Variants in ACOT7 observed in about 807,000 individuals in gnomAD.
ACOT7 encodes cytosolic acyl coenzyme A thioester hydrolase.
A neutral mutation model predicts 40.2 loss-of-function variants in ACOT7; 12 were observed. The ratio of observed to expected loss-of-function variants is 0.30; its 90% CI spans 0.19 to 0.48. The LOEUF (loss-of-function observed/expected upper bound fraction) is 0.48, where lower values mean the gene tolerates loss of function less well. Among genes scored for constraint, ACOT7 ranks in the 20% least tolerant of loss-of-function variants. The pLI is 0.99. For missense variants in ACOT7, 395 were observed against 530.8 expected (o/e 0.74, Z 2.51); for synonymous variants, 228 against 219.5 (o/e 1.04, Z -0.34).
At chr1:6,305,614 C>T (rs2148407722) in intron 6 of ACOT7, among the ~76,000 whole-genome samples, 1 of 151,660 alleles carries the variant, frequency 6.6e-6, no homozygotes. Flanking sequence ...GAGGCGCTCC[C>T]CACATCTCAG....
rs112581422 is a variant in ACOT7, at chr1:6,289,320, G to A, written c.829+5544C>T. ...TCACCATGTTGGCCAGGCTGGTCTC[G>A]AACTCCTGACCTCAGGTGATCAGAC... On this transcript the variant is annotated intron_variant, in intron 7 of 8. Transcript: ENST00000361521. This position sits in a 1 kb window ranked among gnomAD's most constrained non-coding sequence, Gnocchi z 4.6. Among the ~76,000 whole-genome samples the A allele has an allele frequency of 0.064, 9,752 of 151,498 alleles. 918 individuals carry two copies. Among genetic ancestry groups the A allele is most frequent in the African/African-American group, 0.21 (8,503 of 41,258 alleles).
chr1:6,372,871 A>C (rs1642158013), intron 1 of ACOT7, among the ~76,000 whole-genome samples: 2 of 152,200 alleles, frequency 1.3e-5, no homozygotes, highest in South Asian at 4.2e-4. Context: ...GCTTAAAGTG[A>C]GAGATGTGTG....
At chr1:6,268,632 G>T (rs1557622900) in intron 8 of ACOT7, among the ~76,000 whole-genome samples, 1 of 152,300 alleles carries the variant, frequency 6.6e-6, no homozygotes. Context: ...GCTCCTTCTG[G>T]TCCAGTTCAT....
chr1:6,393,238 C>G lies in ACOT7; in HGVS notation c.143+19G>C. On this transcript the variant is annotated intron_variant, in intron 1 of 8. Transcript: ENST00000361521. ...CGGCGCGCCTGGCCGCTGCAGGCTG[C>G]GCGCGGGCCCTCTCTTACCGGCAGA... is the stretch of plus-strand genomic sequence containing the variant. 7.9e-7 allele frequency: 1 copy of G among 1,273,144 alleles called. No individual in the cohort carries two copies. The highest frequency in any genetic ancestry group is 9.9e-7 in the Non-Finnish European group (1 of 1,008,904). 78.9% of individuals were successfully genotyped at this position (1,273,144 alleles called of 1,614,324 possible).
At chr1:6,364,616 G>A (rs568131902) in intron 1 of ACOT7, among the ~76,000 whole-genome samples, 15 of 151,520 alleles carry the variant, frequency 9.9e-5, no homozygotes, top group African/African-American at 1.9e-4. Flanking sequence ...TTGGGAGGCC[G>A]AGGTGGGCAG....
rs1203395555 is a variant in ACOT7 at position 6,294,652 on chromosome 1, G to A, written c.829+212C>T. The stretch of plus-strand genomic sequence containing the variant: ...AGGTCTTTAGGAGGATAATGGCCCC[G>A]TCATATCTGAGTCAAGGATTTTACC... On this transcript the variant is annotated intron_variant, in intron 7 of 8. Coordinates refer to ENST00000361521, the MANE Select transcript of ACOT7 (RefSeq NM_007274.4). This position sits in a 1 kb window ranked among gnomAD's most constrained non-coding sequence, Gnocchi z 4.6. Among the ~76,000 whole-genome samples the A allele has an allele frequency of 1.3e-5, 2 of 152,178 alleles. No individual in the cohort carries two copies. The highest frequency in any genetic ancestry group is 1.5e-5 in the Non-Finnish European group (1 of 68,032).
intron 6 of ACOT7, among the ~76,000 whole-genome samples, chr1:6,296,877 CTT>C (rs1177884236): frequency 6.6e-6 from 1 of 152,128 alleles, no homozygotes; most frequent in Non-Finnish European, 1.5e-5. Flanking sequence ...GCTCCTGACT[CTT>C]ATTTCACTTA....
At chr1:6,291,925 G>A (rs984595003) in intron 7 of ACOT7, among the ~76,000 whole-genome samples, 3 of 152,290 alleles carry the variant, frequency 2.0e-5, no homozygotes, top group Non-Finnish European at 4.4e-5. Flanking sequence ...GGGAGGCAGC[G>A]AGCTGATCTA....
At chr1:6,325,450 C>T (rs1203288913) in intron 5 of ACOT7, among the ~76,000 whole-genome samples, 1 of 151,868 alleles carries the variant, frequency 6.6e-6, no homozygotes, top group Non-Finnish European at 1.5e-5. Context: ...CAAAGCAGCA[C>T]CATTCTTTCT....
At chr1:6,308,848 C>G (rs1248451340) in intron 6 of ACOT7, among the ~76,000 whole-genome samples, 2 of 152,252 alleles carry the variant, frequency 1.3e-5, no homozygotes, top group South Asian at 2.1e-4. Context: ...AGCGACCGGA[C>G]AGAGGGCTCC....
At chr1:6,302,847 C>T (rs965520494) in intron 6 of ACOT7, among the ~76,000 whole-genome samples, 6 of 152,042 alleles carry the variant, frequency 3.9e-5, no homozygotes, top group Non-Finnish European at 7.3e-5. Context: ...CCATCGTGTC[C>T]TGCGTGTAAA....
intron 1 of ACOT7, among the ~76,000 whole-genome samples, chr1:6,368,704 G>A (rs1239849651): frequency 6.6e-6 from 1 of 152,202 alleles, no homozygotes; most frequent in East Asian, 1.9e-4. Flanking sequence ...CCAGGGTCTG[G>A]AGCGGCAAGG....
chr1:6,320,756 C>T (rs2148423457), intron 5 of ACOT7, among the ~76,000 whole-genome samples: 1 of 152,300 alleles, frequency 6.6e-6, no homozygotes, highest in African/African-American at 2.4e-5. Context: ...CACCAGATCC[C>T]TGTTGTATTC....
intron 1 of ACOT7, chr1:6,385,705 T>C: frequency 6.3e-7 from 1 of 1,594,110 alleles, no homozygotes; most frequent in Non-Finnish European, 8.5e-7. Flanking sequence ...CAGTGACAAG[T>C]ATGATGCCCA....
Position 6,352,545 on chromosome 1 carries a change from G to C in ACOT7, c.144-2679C>G, listed in dbSNP as rs1392568265. On this transcript the variant is annotated intron_variant, in intron 1 of 8. Coordinates refer to ENST00000361521, the MANE Select transcript of ACOT7 (RefSeq NM_007274.4). The surrounding 1 kb of genome is among the most constrained non-coding windows in gnomAD (Gnocchi z 4.5). Reference sequence around the variant, plus strand: ...AAAGGCAGGCAGGGGTGAGAGCCAGGGAGCCAGGGAAGCTGCTGCGTCTCA... The same window carrying C: ...AAAGGCAGGCAGGGGTGAGAGCCAGCGAGCCAGGGAAGCTGCTGCGTCTCA... 6.6e-6 allele frequency among the ~76,000 whole-genome samples: 1 copy of C among 152,182 alleles called. No individual in the cohort carries two copies. Among genetic ancestry groups the C allele is most frequent in the Non-Finnish European group, 1.5e-5 (1 of 68,028 alleles).
intron 6 of ACOT7, among the ~76,000 whole-genome samples, chr1:6,308,345 G>A (rs1200592177): frequency 4.0e-5 from 6 of 151,294 alleles, no homozygotes; most frequent in Non-Finnish European, 8.8e-5. Flanking sequence ...ACCACAACAG[G>A]CAGAAGGAAC....
At chr1:6,366,042 G>T (rs548866023) in intron 1 of ACOT7, among the ~76,000 whole-genome samples, 1 of 151,732 alleles carries the variant, frequency 6.6e-6, no homozygotes, top group African/African-American at 2.4e-5. Context: ...TTACAGGCAC[G>T]CGTCACCACG....
At chr1:6,286,163 C>T (rs937617036) in intron 7 of ACOT7, among the ~76,000 whole-genome samples, 1 of 152,224 alleles carries the variant, frequency 6.6e-6, no homozygotes, top group African/African-American at 2.4e-5. Context: ...CCACATCACC[C>T]GTCCAAATGC....
At chr1:6,389,002 C>T (rs1380310440) in intron 1 of ACOT7, among the ~76,000 whole-genome samples, 1 of 150,936 alleles carries the variant, frequency 6.6e-6, no homozygotes, top group Non-Finnish European at 1.5e-5. Context: ...GATCGCGCCA[C>T]TGCACTCCAG....
Sources: allele counts gnomAD v4.1 joint callset (sites outside exome capture counted in the v4.1 genomes callset), GRCh38; gene constraint gnomAD v4.1.1; non-coding constraint Gnocchi (gnomAD v3.1); transcripts MANE v1.5; gene names NCBI Gene and HGNC (gene_info 2026-07-23, HGNC 2026-07-21).